The following LARP4B variants were observed in gnomAD, a reference collection of about 807,000 sequenced individuals.
The protein encoded by LARP4B is La ribonucleoprotein 4B.
A neutral mutation model predicts 89.8 loss-of-function variants in LARP4B; 12 were observed. The observed-to-expected ratio is 0.13, with a 90% CI of 0.09 to 0.22. The LOEUF is 0.22. LARP4B is among the 10% of genes least tolerant of loss of function. The pLI, the probability that LARP4B is intolerant of heterozygous loss-of-function variation, is 1.00. For missense variants in LARP4B, 757 were observed against 947.7 expected (o/e 0.80, Z 2.64); for synonymous variants, 367 against 363.3 (o/e 1.01, Z -0.12).
chr10:896,856 A>T (rs1039127043), intron 1 of LARP4B, among the ~76,000 whole-genome samples: 4 of 152,194 alleles, frequency 2.6e-5, no homozygotes, highest in Non-Finnish European at 4.4e-5. Flanking sequence ...ATGGAAAGAC[A>T]TCCATGTTTA....
intron 1 of LARP4B, among the ~76,000 whole-genome samples, chr10:924,173 C>T (rs751035993): frequency 6.6e-6 from 1 of 152,098 alleles, no homozygotes; most frequent in Non-Finnish European, 1.5e-5. Context: ...AAGCCCAGGT[C>T]GAGGCTGCAG....
chr10:833,818 G>A (rs1355133378), intron 8 of LARP4B, among the ~76,000 whole-genome samples: 1 of 151,278 alleles, frequency 6.6e-6, no homozygotes, highest in Non-Finnish European at 1.5e-5. Flanking sequence ...GAACCCGGGA[G>A]GCAGAGGTTG....
chr10:970,032 C>G, the LARP4B span, among the ~76,000 whole-genome samples: 1 of 152,178 alleles, frequency 6.6e-6, no homozygotes, highest in African/African-American at 2.4e-5. Context: ...ACTCCGGTGA[C>G]CTCTTTGTTG....
In LARP4B at chr10:825,080, C is replaced by A; in HGVS notation, c.1469G>T (p.Gly490Val). The stretch of plus-strand genomic sequence containing the variant: ...AACAACTCACCTTCCCCTCCCTAAA[C>A]CAGGAGAGGATTCGAGACTGCCTGG... ...VEPGSLESSP[G>V]LGRGRKNSFG... is the part of the protein sequence containing the mutation. The change falls in exon 13 of 18, where the codon GGT becomes GTT. Residue 490 changes from glycine to valine, a missense_variant. Transcript: ENST00000316157. 1 of 1,614,096 alleles carries A rather than the reference C, an allele frequency of 6.2e-7. No individual in the cohort carries two copies. Among genetic ancestry groups the A allele is most frequent in the Non-Finnish European group, 8.5e-7 (1 of 1,179,958 alleles).
At chr10:986,502 A>G in the LARP4B span, 1 of 152,206 alleles carries the variant, frequency 6.6e-6, no homozygotes, top group Non-Finnish European at 1.5e-5. Context: ...AAGAAGCTAT[A>G]CTCTGCCACA....
intron 3 of LARP4B, among the ~76,000 whole-genome samples, chr10:874,457 C>G (rs926871463): frequency 7.2e-5 from 11 of 152,178 alleles, no homozygotes; most frequent in African/African-American, 2.7e-4. Flanking sequence ...TGCAGGAACG[C>G]ACAGCCTGCC....
chr10:969,722 C>A, the LARP4B span, among the ~76,000 whole-genome samples: 1 of 151,880 alleles, frequency 6.6e-6, no homozygotes, highest in Non-Finnish European at 1.5e-5. Flanking sequence ...CAGCAAGACT[C>A]TGTCTCAAAA....
intron 1 of LARP4B, among the ~76,000 whole-genome samples, chr10:927,447 G>GAAA (rs1837175124): frequency 6.6e-6 from 1 of 152,152 alleles, no homozygotes; most frequent in Non-Finnish European, 1.5e-5. Flanking sequence ...GAACCTAGCA[G>GAAA]TTTTCTACCT....
chr10:957,678 T>A, the LARP4B span, among the ~76,000 whole-genome samples: 1 of 152,194 alleles, frequency 6.6e-6, no homozygotes, highest in African/African-American at 2.4e-5. Flanking sequence ...TCAAATATAA[T>A]AAAAATTTTA....
intron 5 of LARP4B, among the ~76,000 whole-genome samples, chr10:860,742 C>T (rs1291198504): frequency 6.6e-6 from 1 of 152,142 alleles, no homozygotes; most frequent in Non-Finnish European, 1.5e-5. Flanking sequence ...CAAATTCTAT[C>T]ACACGTCTGT....
chr10:880,422 C>T (rs918478864), intron 3 of LARP4B, among the ~76,000 whole-genome samples: 1 of 152,088 alleles, frequency 6.6e-6, no homozygotes, highest in Non-Finnish European at 1.5e-5. Context: ...TGCAGTGGCT[C>T]AAGCCTGTAA....
At chr10:935,722 C>CTTTTTTTTTTTTTTTTTTTTTTTTTTT (rs10711022), upstream of LARP4B, among the ~76,000 whole-genome samples, 8 of 83,916 alleles carry the variant, frequency 9.5e-5, no homozygotes, top group Admixed American at 1.4e-4. Context: ...CTTTTCTTTT[C>CTTTTTTTTTTTTTTTTTTTTTTTTTTT]TTTTTTTTTT....
At chr10:874,234 C>CAAAAAAAAACA (rs60052105) in intron 3 of LARP4B, among the ~76,000 whole-genome samples, 4 of 151,900 alleles carry the variant, frequency 2.6e-5, no homozygotes, top group Non-Finnish European at 5.9e-5. Context: ...GACTCCATCT[C>CAAAAAAAAACA]AAACAAAACA....
At chr10:940,471 T>C in the LARP4B span, among the ~76,000 whole-genome samples, 3 of 152,168 alleles carry the variant, frequency 2.0e-5, no homozygotes, top group African/African-American at 4.8e-5. Context: ...GTATTTTTAG[T>C]AGAAACAGCG....
chr10:825,100 G>C lies in LARP4B; in HGVS notation c.1449C>G (p.Gly483=), dbSNP rs908111254. The C allele has an allele frequency of 6.8e-6, 11 of 1,614,100 alleles. No individual in the cohort carries two copies. In the African/African-American group the frequency reaches 9.3e-5, roughly 14 times the overall value. Residue 483 remains glycine (G), a synonymous_variant, in exon 13 of 18, where the codon GGC becomes GGG. Transcript: ENST00000316157. ...CTAAACCAGGAGAGGATTCGAGACT[G>C]CCTGGCTCCACACGCCCAGGCCCAG... ...REAGPGRVEP[G]SLESSPGLGR... is the part of the protein sequence containing the mutation.
chr10:821,786 C>T (rs1373448393), intron 13 of LARP4B, among the ~76,000 whole-genome samples: 1 of 152,242 alleles, frequency 6.6e-6, no homozygotes, highest in Non-Finnish European at 1.5e-5. Flanking sequence ...AAGGACGGCA[C>T]AAACCTTTAG....
intron 11 of LARP4B, among the ~76,000 whole-genome samples, chr10:828,206 G>A (rs534508664): frequency 2.6e-5 from 4 of 152,096 alleles, no homozygotes; most frequent in Non-Finnish European, 5.9e-5. Flanking sequence ...CCTGCCACCC[G>A]GTGTACGCTT....
chr10:979,180 C>T, the LARP4B span, among the ~76,000 whole-genome samples: 11 of 152,172 alleles, frequency 7.2e-5, no homozygotes, highest in Non-Finnish European at 1.3e-4. Flanking sequence ...TGCCTCCTTC[C>T]CTTGCTCCTT....
intron 1 of LARP4B, among the ~76,000 whole-genome samples, chr10:917,284 A>G (rs911184576): frequency 1.3e-5 from 2 of 152,236 alleles, no homozygotes; most frequent in Non-Finnish European, 2.9e-5. Flanking sequence ...TGGGTAAAAC[A>G]TAACTTTATG....
Sources: allele counts gnomAD v4.1 joint callset (sites outside exome capture counted in the v4.1 genomes callset), GRCh38; gene constraint gnomAD v4.1.1; transcripts MANE v1.5; gene names NCBI Gene and HGNC (gene_info 2026-07-23, HGNC 2026-07-21).